The following RNGTT variants were observed in gnomAD, a reference collection of about 807,000 sequenced individuals.
The protein encoded by RNGTT is RNA guanylyltransferase and 5'-phosphatase, also known as mRNA-capping enzyme.
RNGTT carries 33 observed loss-of-function variants against 79.3 expected under a neutral mutation model. The observed-to-expected ratio is 0.42, with a 90% CI of 0.32 to 0.56. The LOEUF is 0.56. Ranked by LOEUF, RNGTT falls within the 20% of genes least tolerant of loss-of-function variation. RNGTT has a pLI of 0.17. For synonymous variants in RNGTT, 222 were observed against 235.9 expected (o/e 0.94, Z 0.54); for missense variants, 497 against 739.1 (o/e 0.67, Z 3.80).
intron 1 of RNGTT, among the ~76,000 whole-genome samples, chr6:88,961,696 T>C (rs1785631272): frequency 6.6e-6 from 1 of 152,272 alleles, no homozygotes; most frequent in African/African-American, 2.4e-5. Context: ...AATACATTGA[T>C]GGTGGGACTA....
chr6:88,646,398 C>A (rs1212312051), intron 14 of RNGTT, among the ~76,000 whole-genome samples: 3 of 152,320 alleles, frequency 2.0e-5, no homozygotes, highest in East Asian at 3.9e-4. Context: ...GTTGGTGGGA[C>A]TGTAAACTAG....
chr6:88,783,964 A>G (rs1239215910), intron 12 of RNGTT, among the ~76,000 whole-genome samples: 1 of 152,108 alleles, frequency 6.6e-6, no homozygotes, highest in Non-Finnish European at 1.5e-5. Context: ...TCTGTGCTAG[A>G]GGACAGTAAG....
chr6:88,773,021 G>A (rs9451078), intron 12 of RNGTT, among the ~76,000 whole-genome samples: 28,230 of 143,306 alleles, frequency 0.2, 3,369 homozygotes, highest in African/African-American at 0.35. Flanking sequence ...ACATGCACAC[G>A]TATGTTTATT....
intron 14 of RNGTT, among the ~76,000 whole-genome samples, chr6:88,640,935 T>C (rs1256412585): frequency 6.6e-6 from 1 of 152,228 alleles, no homozygotes; most frequent in Non-Finnish European, 1.5e-5. Flanking sequence ...AATAAGCTGC[T>C]TGGGTTATTT....
intron 13 of RNGTT, among the ~76,000 whole-genome samples, chr6:88,735,702 A>G (rs1777263926): frequency 6.6e-6 from 1 of 152,016 alleles, no homozygotes; most frequent in African/African-American, 2.4e-5. Flanking sequence ...ATTTCAGGGA[A>G]ATTTACAGCA....
At chr6:88,900,105 A>G (rs767403685) in intron 6 of RNGTT, among the ~76,000 whole-genome samples, 1 of 150,982 alleles carries the variant, frequency 6.6e-6, no homozygotes, top group Non-Finnish European at 1.5e-5. Flanking sequence ...AACAATGTCT[A>G]GTATTCAATC....
intron 14 of RNGTT, among the ~76,000 whole-genome samples, chr6:88,643,395 T>C (rs1773401966): frequency 1.3e-5 from 2 of 152,062 alleles, no homozygotes. Context: ...CTCCACACAA[T>C]AATAATGGGA....
chr6:88,895,498 C>G (rs576579100), intron 6 of RNGTT, among the ~76,000 whole-genome samples: 27 of 152,070 alleles, frequency 1.8e-4, no homozygotes, highest in Non-Finnish European at 3.5e-4. Context: ...ACATGTGCCA[C>G]AGTTATAAAC....
At chr6:88,708,683 A>G (rs1257774243) in intron 13 of RNGTT, among the ~76,000 whole-genome samples, 1 of 152,090 alleles carries the variant, frequency 6.6e-6, no homozygotes, top group African/African-American at 2.4e-5. Flanking sequence ...CTGGGTTTCA[A>G]TCACTTTAAG....
chr6:88,804,850 C>G (rs559770767), intron 11 of RNGTT, among the ~76,000 whole-genome samples: 2 of 152,266 alleles, frequency 1.3e-5, no homozygotes, highest in Admixed American at 1.3e-4. Flanking sequence ...TTACAGCATT[C>G]TTCAAATCAT....
intron 14 of RNGTT, among the ~76,000 whole-genome samples, chr6:88,644,264 A>C (rs1041767098): frequency 1.3e-5 from 2 of 152,334 alleles, no homozygotes; most frequent in African/African-American, 2.4e-5. Context: ...GAAATGGATA[A>C]ATTCCTCGAC....
intron 8 of RNGTT, among the ~76,000 whole-genome samples, chr6:88,866,279 C>T (rs1782160836): frequency 6.6e-6 from 1 of 152,086 alleles, no homozygotes; most frequent in Admixed American, 6.6e-5. Flanking sequence ...CTTATGTAGT[C>T]CCATATCTCC....
At chr6:88,642,029 G>C (rs1314754747) in intron 14 of RNGTT, among the ~76,000 whole-genome samples, 1 of 145,130 alleles carries the variant, frequency 6.9e-6, no homozygotes, top group Non-Finnish European at 1.5e-5. Flanking sequence ...CTTGTCATTT[G>C]AGAGAGAGAG....
chr6:88,830,764 C>T (rs560596569), intron 11 of RNGTT, among the ~76,000 whole-genome samples: 3 of 152,150 alleles, frequency 2.0e-5, no homozygotes, highest in African/African-American at 2.4e-5. Flanking sequence ...ATATCACCAC[C>T]AATCCCACAG....
At chr6:88,642,153 T>C (rs895419243) in intron 14 of RNGTT, among the ~76,000 whole-genome samples, 17 of 152,128 alleles carry the variant, frequency 1.1e-4, no homozygotes, top group African/African-American at 3.9e-4. Flanking sequence ...ATGTATATAA[T>C]AGGATGCAAG....
At chr6:88,645,602 T>C (rs1420253340) in intron 14 of RNGTT, among the ~76,000 whole-genome samples, 2 of 152,174 alleles carry the variant, frequency 1.3e-5, no homozygotes, top group Admixed American at 1.3e-4. Context: ...GACTCCAAAG[T>C]ATACTACAAG....
intron 4 of RNGTT, among the ~76,000 whole-genome samples, chr6:88,906,958 T>A (rs1321370912): frequency 6.6e-6 from 1 of 152,218 alleles, no homozygotes; most frequent in Admixed American, 6.5e-5. Flanking sequence ...TGGGGCCTGA[T>A]ACTAATTAAA....
chr6:88,778,607 C>T (rs2127847854), intron 12 of RNGTT, among the ~76,000 whole-genome samples: 1 of 152,330 alleles, frequency 6.6e-6, no homozygotes. Context: ...TCTCCCACCA[C>T]AGCCTCCTGA....
At position 88,844,491 on chromosome 6, in the gene RNGTT, C is replaced by T; in HGVS notation, c.1135G>A (p.Val379Ile). The T allele has an allele frequency of 6.2e-7, 1 of 1,610,894 alleles. No homozygotes were observed. Among genetic ancestry groups the T allele is most frequent in the Non-Finnish European group, 8.5e-7 (1 of 1,179,170 alleles). ...TCTCGTTCTATACACTGCAGACGAA[C>T]ATTAAAATCACAATCTCCAACGGGC... ...SQPVGDCDFN[V>I]RLQCIEREII... Residue 379 changes from valine (V) to isoleucine (I), a missense_variant, in exon 11 of 16, where the codon GTT becomes ATT. This residue lies in a region of RNGTT where 440 missense variants were observed against 671.5 expected (regional missense o/e 0.66). Transcript: ENST00000369485.
Sources: allele counts gnomAD v4.1 joint callset (sites outside exome capture counted in the v4.1 genomes callset), GRCh38; gene constraint gnomAD v4.1.1; regional missense constraint gnomAD v4.1.1; transcripts MANE v1.5; gene names NCBI Gene and HGNC (gene_info 2026-07-23, HGNC 2026-07-21).